The following FOXP1 variants were observed in gnomAD, a reference collection of about 807,000 sequenced individuals.
FOXP1 encodes forkhead box protein P1.
In FOXP1, 15 loss-of-function variants were observed where a neutral mutation model predicts 98.2. That is an observed-to-expected ratio of 0.15 (90% CI 0.10 to 0.24). The LOEUF (loss-of-function observed/expected upper bound fraction) is 0.24. FOXP1 is among the 10% of genes least tolerant of loss of function. The pLI is 1.00. For synonymous variants in FOXP1, 371 were observed against 314.5 expected (o/e 1.18, Z -1.90); for missense variants, 633 against 848.5 (o/e 0.75, Z 3.15).
At chr3:71,331,997 T>C (rs1224495309) in intron 4 of FOXP1, among the ~76,000 whole-genome samples, 1 of 152,164 alleles carries the variant, frequency 6.6e-6, no homozygotes, top group Non-Finnish European at 1.5e-5. Context: ...CAACTGGCTC[T>C]TTGTAAAATG....
intron 5 of FOXP1, among the ~76,000 whole-genome samples, chr3:71,199,106 T>G (rs983049710): frequency 8.0e-6 from 1 of 124,232 alleles, no homozygotes; most frequent in Admixed American, 9.1e-5. Context: ...TTGTTGGTAT[T>G]ACACTTTTTT....
At chr3:71,528,488 T>C (rs9811319) in intron 2 of FOXP1, among the ~76,000 whole-genome samples, 2,239 of 152,334 alleles carry the variant, frequency 0.015, 50 homozygotes, top group South Asian at 0.093. Flanking sequence ...TAAATAATGT[T>C]TGACCTTCTA....
chr3:71,194,211 C>T lies in FOXP1; in HGVS notation c.180+3991G>A, dbSNP rs149872328. Reference sequence around the variant, plus strand: ...AGCCACACCTCAGAACTGCAGCAACCAAAGCTCTCTCTATACTGACTTGCA... The same window carrying T: ...AGCCACACCTCAGAACTGCAGCAACTAAAGCTCTCTCTATACTGACTTGCA... On this transcript the variant is annotated intron_variant, in intron 6 of 20. Coordinates refer to ENST00000649528, the MANE Select transcript of FOXP1 (RefSeq NM_001349338.3). Among the ~76,000 whole-genome samples, 517 of 146,528 alleles carry T rather than the reference C, an allele frequency of 3.5e-3. 5 individuals are homozygous for T. Among genetic ancestry groups the T allele is most frequent in the African/African-American group, 0.013 (490 of 38,982 alleles).
chr3:71,318,711 T>C (rs759312588), intron 4 of FOXP1, among the ~76,000 whole-genome samples: 26 of 152,238 alleles, frequency 1.7e-4, no homozygotes, highest in Non-Finnish European at 3.1e-4. Context: ...CATGTGTTGC[T>C]TGTAAATCTG....
intron 3 of FOXP1, among the ~76,000 whole-genome samples, chr3:71,413,527 T>C (rs1290606469): frequency 2.6e-5 from 4 of 152,138 alleles, no homozygotes; most frequent in Middle Eastern, 3.2e-3. Context: ...CAAAATTTTA[T>C]TATAAAAATG....
At chr3:71,009,719 G>A (rs74815638) in intron 12 of FOXP1, among the ~76,000 whole-genome samples, 8 of 152,192 alleles carry the variant, frequency 5.3e-5, no homozygotes, top group African/African-American at 1.7e-4. Context: ...GGGCTAGGCA[G>A]TTTATATGAT....
At chr3:71,152,706 A>G (rs372808919) in intron 6 of FOXP1, among the ~76,000 whole-genome samples, 4 of 152,326 alleles carry the variant, frequency 2.6e-5, no homozygotes, top group African/African-American at 9.6e-5. Flanking sequence ...GTATAACACC[A>G]GTGCTTACCC....
intron 4 of FOXP1, among the ~76,000 whole-genome samples, chr3:71,348,542 T>C (rs749922717): frequency 0.051 from 3,855 of 76,086 alleles, 100 homozygotes; most frequent in East Asian, 0.13. Context: ...TGTGTGTGTG[T>C]GTGTGTGCGT....
intron 6 of FOXP1, among the ~76,000 whole-genome samples, chr3:71,166,336 A>G (rs1473600377): frequency 6.6e-6 from 1 of 152,214 alleles, no homozygotes; most frequent in East Asian, 1.9e-4. Context: ...TGAATCATTA[A>G]TGACACCTGG....
chr3:71,223,133 A>G (rs1052498423), intron 5 of FOXP1, among the ~76,000 whole-genome samples: 2 of 152,188 alleles, frequency 1.3e-5, no homozygotes, highest in African/African-American at 4.8e-5. Context: ...TTGCCAGGAA[A>G]GCTCCCCAAG....
intron 4 of FOXP1, among the ~76,000 whole-genome samples, chr3:71,317,523 C>G (rs906041053): frequency 1.3e-5 from 2 of 152,000 alleles, no homozygotes; most frequent in Non-Finnish European, 2.9e-5. Flanking sequence ...TTAATAGCAA[C>G]AAAAAATATT....
At position 71,198,184 on chromosome 3, in the gene FOXP1, G is replaced by C. The variant is rs1011063606; in HGVS notation, c.180+18C>G. On this transcript the variant is annotated intron_variant, in intron 6 of 20. Coordinates refer to ENST00000649528, the MANE Select transcript of FOXP1 (RefSeq NM_001349338.3). ...CGCACCCACCACCTCCACCTCCCAA[G>C]ACTCCAAAGCCCAGTACCTGTTGCT... The C allele has an allele frequency of 5.0e-6, 8 of 1,614,022 alleles. No homozygotes were observed. The highest frequency in any genetic ancestry group is 4.5e-5 in the East Asian group (2 of 44,888).
chr3:71,209,230 T>C (rs1351920331), intron 5 of FOXP1, among the ~76,000 whole-genome samples: 1 of 152,380 alleles, frequency 6.6e-6, no homozygotes, highest in East Asian at 1.9e-4. Flanking sequence ...CCACATGGTT[T>C]AAACTACTAA....
chr3:70,967,289 C>T (rs537968989), intron 19 of FOXP1, among the ~76,000 whole-genome samples: 1 of 152,286 alleles, frequency 6.6e-6, no homozygotes, highest in African/African-American at 2.4e-5. Context: ...ATGACAATCG[C>T]AGCCTCACTC....
intron 2 of FOXP1, among the ~76,000 whole-genome samples, chr3:71,527,619 T>A (rs2043496490): frequency 6.6e-6 from 1 of 152,180 alleles, no homozygotes; most frequent in South Asian, 2.1e-4. Context: ...AAAGGAGAGG[T>A]GCAGAGTGTA....
intron 6 of FOXP1, among the ~76,000 whole-genome samples, chr3:71,120,143 G>T (rs944932755): frequency 1.3e-5 from 2 of 152,174 alleles, no homozygotes; most frequent in South Asian, 4.1e-4. Context: ...AACTTACAGG[G>T]GGTAATGACC....
chr3:70,973,963 G>C (rs537560671), intron 17 of FOXP1, among the ~76,000 whole-genome samples: 8 of 151,816 alleles, frequency 5.3e-5, no homozygotes, highest in African/African-American at 1.9e-4. Flanking sequence ...ATCACAATTG[G>C]TGGCTGTGAG....
chr3:71,115,462 G>C (rs1679178165), intron 6 of FOXP1, among the ~76,000 whole-genome samples: 2 of 151,814 alleles, frequency 1.3e-5, no homozygotes, highest in Admixed American at 1.3e-4. Context: ...TCAGCCTCCT[G>C]AGTAGCTGGG....
intron 10 of FOXP1, among the ~76,000 whole-genome samples, chr3:71,044,905 G>A (rs1225670042): frequency 6.6e-6 from 1 of 152,088 alleles, no homozygotes; most frequent in Non-Finnish European, 1.5e-5. Context: ...GTTCAAGCAA[G>A]CAGAAAGTTG....
Sources: gnomAD v4.1 joint callset for allele counts (sites outside exome capture counted in the v4.1 genomes callset) on GRCh38, gnomAD v4.1.1 for gene constraint, MANE v1.5 for transcripts, NCBI Gene and HGNC (gene_info 2026-07-23, HGNC 2026-07-21) for gene names.